Variants in GOLGA8J observed in about 807,000 individuals in gnomAD.
GOLGA8J encodes the protein golgin A8 family member J, also known as golgin subfamily A member 8J.
A neutral mutation model predicts 67.7 loss-of-function variants in GOLGA8J; 19 were observed. The observed-to-expected ratio is 0.28, with a 90% CI of 0.20 to 0.41. GOLGA8J has a LOEUF of 0.41. Ranked by LOEUF, GOLGA8J falls within the 10% of genes least tolerant of loss-of-function variation. GOLGA8J has a pLI of 1.00. For missense variants in GOLGA8J, 205 were observed against 584.3 expected (o/e 0.35, Z 6.69); for synonymous variants, 69 against 215.9 (o/e 0.32, Z 5.97).
chr15:30,092,212 C>T, intron 15 of GOLGA8J, 79 bp downstream of exon 15: 1 of 1,033,012 alleles, frequency 9.7e-7, no homozygotes, highest in East Asian at 2.7e-5. Flanking sequence ...TCTTCGTTTC[C>T]CTGCCTTCTG....
In GOLGA8J at chr15:30,085,005, G is replaced by A. The variant is rs574099470; in HGVS notation, c.168+115G>A. On this transcript the variant is annotated intron_variant, in intron 2 of 18. Coordinates refer to ENST00000567927, the MANE Select transcript of GOLGA8J (RefSeq NM_001282472.2). ...CTGGTTAAGAATTCTGGCTTTAGCC[G>A]GGTGTGGTGGCCCACGCCTGTAATC... is the stretch of plus-strand genomic sequence containing the variant. 4.9e-5 allele frequency: 51 copies of A among 1,035,834 alleles called. 4 individuals are homozygous for A. The highest frequency in any genetic ancestry group is 7.1e-5 in the South Asian group (4 of 56,338). 64.2% of individuals were successfully genotyped at this position (1,035,834 alleles called of 1,614,324 possible). A position where few individuals can be genotyped will look rare whatever the true frequency, so the allele number is the denominator to read the frequency against.
intron 2 of GOLGA8J, 126 bp downstream of exon 2, chr15:30,085,016 C>G (rs2057335389): frequency 1.8e-6 from 1 of 547,530 alleles, no homozygotes; most frequent in Admixed American, 3.3e-5. Context: ...GGTGTGGTGG[C>G]CCACGCCTGT....
In GOLGA8J at chr15:30,090,513, A is replaced by T. The variant is rs1279729720; in HGVS notation, c.1200+233A>T. Among the ~76,000 whole-genome samples, 7 of 147,398 alleles carry T rather than the reference A, an allele frequency of 4.7e-5. 1 individual carries two copies. Among genetic ancestry groups the T allele is most frequent in the African/African-American group, 1.8e-4 (7 of 38,582 alleles). On this transcript the variant is annotated intron_variant, in intron 13 of 18. Transcript: ENST00000567927. Reference sequence around the variant, plus strand: ...ATCATCATCCCAGCTAGAGGCATGGAGCCCCCAATCACAGGGGAAGAGACA... The same window carrying T: ...ATCATCATCCCAGCTAGAGGCATGGTGCCCCCAATCACAGGGGAAGAGACA...
rs768144107 is a variant in GOLGA8J, at chr15:30,084,852, G to C, written c.130G>C (p.Glu44Gln). The change falls in exon 2 of 19, where the codon GAG (glutamate) becomes CAG (glutamine). Residue 44 changes from glutamate to glutamine, a missense_variant. Coordinates refer to ENST00000567927, the MANE Select transcript of GOLGA8J (RefSeq NM_001282472.2). Reference sequence around the variant, plus strand: ...CAGGAAAACAAATGGCAGTATCCCTGAGAAAGCCACTTCTGGTGGTTGCCA... The same window carrying C: ...CAGGAAAACAAATGGCAGTATCCCTCAGAAAGCCACTTCTGGTGGTTGCCA... ...RNRKTNGSIPEKATSGGCQPP... is the reference protein window; with the variant it reads ...RNRKTNGSIPQKATSGGCQPP... 1.4e-6 allele frequency: 2 copies of C among 1,423,604 alleles called. No homozygotes were observed. The highest frequency in any genetic ancestry group is 1.8e-6 in the Non-Finnish European group (2 of 1,098,384). The allele number at this position is 1,423,604 out of a possible 1,614,324, so 88.2% of individuals were successfully genotyped here. A position where few individuals can be genotyped will look rare whatever the true frequency, so the allele number is the denominator to read the frequency against.
At chr15:30,085,068 G>C (rs1401458996) in intron 2 of GOLGA8J, among the ~76,000 whole-genome samples, 178 bp downstream of exon 2, 2 of 92,264 alleles carry the variant, frequency 2.2e-5, no homozygotes, top group Non-Finnish European at 3.7e-5. Flanking sequence ...GGATCATGAG[G>C]TCAGGAGATC....
rs996796941 is a variant in GOLGA8J at position 30,094,614 on chromosome 15, C to G, written c.*1115C>G. The stretch of plus-strand genomic sequence containing the variant: ...AAGCTGTGTGACACCTGGCATTCCT[C>G]TCTGTTCACGGAGATTCTTTGAGGC... On this transcript the variant is annotated 3_prime_UTR_variant, in exon 19 of 19. Coordinates refer to ENST00000567927, the MANE Select transcript of GOLGA8J (RefSeq NM_001282472.2). 4.7e-5 allele frequency among the ~76,000 whole-genome samples: 6 copies of G among 127,328 alleles called. No homozygotes were observed. Among genetic ancestry groups the G allele is most frequent in the South Asian group, 2.3e-4 (1 of 4,308 alleles). The allele number at this position is 127,328 out of a possible 152,430, so 83.5% of individuals were successfully genotyped here. A position where few individuals can be genotyped will look rare whatever the true frequency, so the allele number is the denominator to read the frequency against.
rs199996038 is a variant in GOLGA8J at position 30,092,087 on chromosome 15, G to C, written c.1322G>C (p.Arg441Pro). ...GACAGTGAGGGGGAGGAGGCACCTC[G>C]GCCCATGCCGAGTGTCCCAGAGGAC... ...HLDSEGEEAP[R>P]PMPSVPEDPE... The change falls in exon 15 of 19, where the codon CGG becomes CCG. Residue 441 changes from arginine (R) to proline (P), a missense_variant. Arg to Pro is a moderately radical substitution (Grantham distance 103). Coordinates refer to ENST00000567927, the MANE Select transcript of GOLGA8J (RefSeq NM_001282472.2). The C allele has an allele frequency of 1.3e-6, 2 of 1,581,382 alleles. No homozygotes were observed. The highest frequency in any genetic ancestry group is 1.8e-5 in the Admixed American group (1 of 56,892).
Position 30,093,559 on chromosome 15 carries a change from G to A in GOLGA8J, c.*60G>A. On this transcript the variant is annotated 3_prime_UTR_variant, in exon 19 of 19. Transcript: ENST00000567927. ...TTTAAATAAGAAACCAAGTTATGGG[G>A]TTAATCTCCTACACAATTCATTTAC... 1 of 651,954 alleles carries A rather than the reference G, an allele frequency of 1.5e-6. No individual in the cohort carries two copies. Among genetic ancestry groups the A allele is most frequent in the Non-Finnish European group, 2.6e-6 (1 of 391,262 alleles). The allele number at this position is 651,954 out of a possible 1,614,324, so 40.4% of individuals were successfully genotyped here.
rs1403386465 is a variant in GOLGA8J, at chr15:30,082,976, G to C, written c.-77G>C. 58 of 29,610 alleles carry C rather than the reference G, an allele frequency of 2.0e-3. No individual in the cohort carries two copies. The African/African-American group carries it at 0.046, about 23-fold the overall frequency. The allele number at this position is 29,610 out of a possible 1,614,324, so 1.8% of individuals were successfully genotyped here. On this transcript the variant is annotated 5_prime_UTR_variant, in exon 1 of 19. Coordinates refer to ENST00000567927, the MANE Select transcript of GOLGA8J (RefSeq NM_001282472.2). ...GCTCAGTCACACAGCTGCCTGGTAGGTGACTGGAGGCCTTGATCGGTTCTC... is the reference window on the plus strand; with the variant it reads ...GCTCAGTCACACAGCTGCCTGGTAGCTGACTGGAGGCCTTGATCGGTTCTC...
chr15:30,090,415 C>T lies in GOLGA8J; in HGVS notation c.1200+135C>T, dbSNP rs1340306506. Reference sequence around the variant, plus strand: ...TGACCACAGCACCCCCCAGGGCAGTCCTGTGACTGTTTCTTGCTTCCTGCC... The same window carrying T: ...TGACCACAGCACCCCCCAGGGCAGTTCTGTGACTGTTTCTTGCTTCCTGCC... On this transcript the variant is annotated intron_variant, in intron 13 of 18. Coordinates refer to ENST00000567927, the MANE Select transcript of GOLGA8J (RefSeq NM_001282472.2). The T allele has an allele frequency of 1.3e-5, 20 of 1,524,496 alleles. 1 individual carries two copies. Among genetic ancestry groups the T allele is most frequent in the Non-Finnish European group, 1.7e-5 (19 of 1,138,680 alleles). 94.4% of individuals were successfully genotyped at this position (1,524,496 alleles called of 1,614,324 possible). A position where few individuals can be genotyped will look rare whatever the true frequency, so the allele number is the denominator to read the frequency against.
At position 30,092,094 on chromosome 15, in the gene GOLGA8J, G is replaced by A. The variant is rs757314514; in HGVS notation, c.1329G>A (p.Met443Ile). The A allele has an allele frequency of 1.3e-6, 2 of 1,584,522 alleles. No individual in the cohort carries two copies. Among genetic ancestry groups the A allele is most frequent in the Non-Finnish European group, 1.7e-6 (2 of 1,168,250 alleles). The change falls in exon 15 of 19, where the codon ATG becomes ATA. Residue 443 changes from methionine to isoleucine, a missense_variant. Coordinates refer to ENST00000567927, the MANE Select transcript of GOLGA8J (RefSeq NM_001282472.2). ...AGGGGGAGGAGGCACCTCGGCCCAT[G>A]CCGAGTGTCCCAGAGGACCCGGAGA... is the stretch of plus-strand genomic sequence containing the variant. ...DSEGEEAPRP[M>I]PSVPEDPESR...
In GOLGA8J at chr15:30,095,492, G is replaced by A. The variant is rs542954157; in HGVS notation, c.*1993G>A. Among the ~76,000 whole-genome samples the A allele has an allele frequency of 6.2e-5, 9 of 145,518 alleles. 1 individual carries two copies. In the East Asian group the frequency reaches 1.9e-3, roughly 31 times the overall value. ...CAAATAATGCAGCTAATTAACAGTGGTACGATTTGTAGCCCGTGGGTTTAA... is the reference window on the plus strand; with the variant it reads ...CAAATAATGCAGCTAATTAACAGTGATACGATTTGTAGCCCGTGGGTTTAA... On this transcript the variant is annotated 3_prime_UTR_variant, in exon 19 of 19. Coordinates refer to ENST00000567927, the MANE Select transcript of GOLGA8J (RefSeq NM_001282472.2).
rs1433361675 is a variant in GOLGA8J at position 30,089,956 on chromosome 15, G to A, written c.1131G>A (p.Pro377=). The change falls in exon 12 of 19, where the codon CCG becomes CCA. Residue 377 remains proline, a splice_region_variant and synonymous_variant. Transcript: ENST00000567927. ...LAKPQSVFKE[P]NNENKNALQL... ...AGCCACAGAGCGTCTTCAAGGAGCC[G>A]GTGCGTTGCCCAAACTGGGGAGCTT... is the stretch of plus-strand genomic sequence containing the variant. 32 of 1,529,706 alleles carry A rather than the reference G, an allele frequency of 2.1e-5. 3 individuals are homozygous for A. The highest frequency in any genetic ancestry group is 7.1e-5 in the South Asian group (6 of 84,118). 94.8% of individuals were successfully genotyped at this position (1,529,706 alleles called of 1,614,324 possible).
At position 30,094,096 on chromosome 15, in the gene GOLGA8J, G is replaced by A. The variant is rs1477568855; in HGVS notation, c.*597G>A. 6.8e-6 allele frequency among the ~76,000 whole-genome samples: 1 copy of A among 147,464 alleles called. No individual in the cohort carries two copies. The highest frequency in any genetic ancestry group is 1.5e-5 in the Non-Finnish European group (1 of 67,578). On this transcript the variant is annotated 3_prime_UTR_variant, in exon 19 of 19. Coordinates refer to ENST00000567927, the MANE Select transcript of GOLGA8J (RefSeq NM_001282472.2). ...CCTCCATTTTCTGTGTGTTGGTGAT[G>A]GGAGTGATAACCTTTTGGGGGAGCT...
At chr15:30,092,484 G>C in intron 15 of GOLGA8J, 1 of 975,924 alleles carries the variant, frequency 1.0e-6, no homozygotes, top group Non-Finnish European at 1.2e-6. Flanking sequence ...GCCAGCGCCT[G>C]GCTCACCCGG....
intron 1 of GOLGA8J, among the ~76,000 whole-genome samples, chr15:30,084,475 CT>C (rs1437177993): frequency 4.0e-5 from 4 of 99,208 alleles, no homozygotes; most frequent in Non-Finnish European, 7.4e-5. Flanking sequence ...TTAATGTTTA[CT>C]TTTCTACCTC....
rs62016981 is a variant in GOLGA8J, at chr15:30,085,243, T to C, written c.168+353T>C. Among the ~76,000 whole-genome samples, 88 of 83,366 alleles carry C rather than the reference T, an allele frequency of 1.1e-3. 1 individual carries two copies. Among genetic ancestry groups the C allele is most frequent in the African/African-American group, 7.3e-3 (49 of 6,734 alleles). The allele number at this position is 83,366 out of a possible 152,430, so 54.7% of individuals were successfully genotyped here. On this transcript the variant is annotated intron_variant, in intron 2 of 18. Coordinates refer to ENST00000567927, the MANE Select transcript of GOLGA8J (RefSeq NM_001282472.2). Reference sequence around the variant, plus strand: ...CTTGCAGTAGCCAAGATTATGCCACTGCACTCCAGCCTGGTGACAGAGCAA... The same window carrying C: ...CTTGCAGTAGCCAAGATTATGCCACCGCACTCCAGCCTGGTGACAGAGCAA...
At position 30,089,959 on chromosome 15, in the gene GOLGA8J, G is replaced by A. The variant is rs1028077195; in HGVS notation, c.1131+3G>A. 1.3e-6 allele frequency: 2 copies of A among 1,528,698 alleles called. No individual in the cohort carries two copies. Among genetic ancestry groups the A allele is most frequent in the Non-Finnish European group, 8.7e-7 (1 of 1,147,764 alleles). The allele number at this position is 1,528,698 out of a possible 1,614,324, so 94.7% of individuals were successfully genotyped here. ...CACAGAGCGTCTTCAAGGAGCCGGTGCGTTGCCCAAACTGGGGAGCTTGCC... is the reference window on the plus strand; with the variant it reads ...CACAGAGCGTCTTCAAGGAGCCGGTACGTTGCCCAAACTGGGGAGCTTGCC... On this transcript the variant is annotated splice_donor_region_variant and intron_variant, in intron 12 of 18. Coordinates refer to ENST00000567927, the MANE Select transcript of GOLGA8J (RefSeq NM_001282472.2).
chr15:30,089,858 GAGCAGGAAGAGAGGCTTCGGA>G lies in GOLGA8J; in HGVS notation c.1041_1061del (p.Leu350_Arg356del), dbSNP rs747987902. The G allele has an allele frequency of 1.3e-6, 2 of 1,547,730 alleles. No individual in the cohort carries two copies. Among genetic ancestry groups the G allele is most frequent in the Non-Finnish European group, 1.7e-6 (2 of 1,155,784 alleles). ...CCAGCGACAAGAAGAGAGGATTCGG[GAGCAGGAAGAGAGGCTTCGGA>G]AGCAGGAGGAGAGGATTCAGGAGCA... On this transcript the variant is annotated inframe_deletion, in exon 12 of 19. Coordinates refer to ENST00000567927, the MANE Select transcript of GOLGA8J (RefSeq NM_001282472.2).
Sources: allele counts gnomAD v4.1 joint callset (sites outside exome capture counted in the v4.1 genomes callset), GRCh38; gene constraint gnomAD v4.1.1; transcripts MANE v1.5; gene names NCBI Gene and HGNC (gene_info 2026-07-23, HGNC 2026-07-21).